The following ATP10B variants were observed in gnomAD, a reference collection of about 807,000 sequenced individuals.
The protein encoded by ATP10B is ATPase phospholipid transporting 10B (putative), also known as phospholipid-transporting ATPase VB.
ATP10B carries 122 observed loss-of-function variants against 141.2 expected under a neutral mutation model. The observed-to-expected ratio is 0.86, with a 90% CI of 0.75 to 1.00. ATP10B has a LOEUF of 1.00. Ranked by LOEUF, ATP10B falls within the 50% of genes least tolerant of loss-of-function variation. ATP10B has a pLI of 0.00. For synonymous variants in ATP10B, 685 were observed against 692.0 expected (o/e 0.99, Z 0.16); for missense variants, 1,876 against 1,825.3 (o/e 1.03, Z -0.51).
In ATP10B at chr5:160,757,979, A is replaced by G. The variant is rs192859279; in HGVS notation, c.-331+27580T>C. On this transcript the variant is annotated intron_variant, in intron 2 of 25. Transcript: ENST00000327245. ...TGTCTCCAGACATTGTCAAATGTCT[A>G]CTAGGGGTAAAATCACCCTGGTTGA... is the stretch of plus-strand genomic sequence containing the variant. Among the ~76,000 whole-genome samples the G allele has an allele frequency of 5.9e-5, 9 of 152,332 alleles. No homozygotes were observed. In the East Asian group the frequency reaches 1.7e-3, roughly 29 times the overall value.
chr5:160,894,045 C>T, the ATP10B span, among the ~76,000 whole-genome samples: 137 of 152,134 alleles, frequency 9.0e-4, no homozygotes, highest in Non-Finnish European at 1.8e-3. Context: ...TGAAGGTCAC[C>T]AACATCAAAG....
the ATP10B span, among the ~76,000 whole-genome samples, chr5:160,910,473 G>A: frequency 1.7e-4 from 26 of 152,236 alleles, no homozygotes; most frequent in Non-Finnish European, 2.6e-4. Flanking sequence ...AGTCTGGCCC[G>A]TAGTATGTGC....
intron 2 of ATP10B, among the ~76,000 whole-genome samples, chr5:160,725,244 A>G (rs1333300640): frequency 6.6e-6 from 1 of 152,242 alleles, no homozygotes; most frequent in African/African-American, 2.4e-5. Flanking sequence ...AGTCATAAAA[A>G]TAACCTGAAC....
intron 1 of ATP10B, among the ~76,000 whole-genome samples, chr5:160,813,746 C>A (rs1379218718): frequency 6.6e-6 from 1 of 152,226 alleles, no homozygotes; most frequent in Non-Finnish European, 1.5e-5. Flanking sequence ...TAGGGGCAGA[C>A]TGACACCTCA....
the ATP10B span, among the ~76,000 whole-genome samples, chr5:160,907,957 A>G: frequency 0.61 from 92,101 of 151,984 alleles, 28,816 homozygotes; most frequent in African/African-American, 0.75. Context: ...AGTGATCTTG[A>G]AGAGCTTGGA....
intron 24 of ATP10B, among the ~76,000 whole-genome samples, chr5:160,580,905 G>T (rs1358075688): frequency 6.6e-6 from 1 of 152,122 alleles, no homozygotes; most frequent in African/African-American, 2.4e-5. Context: ...ATGTGTCCAG[G>T]AATTTATCCA....
At chr5:160,676,770 C>A (rs1343455356) in intron 6 of ATP10B, among the ~76,000 whole-genome samples, 2 of 152,212 alleles carry the variant, frequency 1.3e-5, no homozygotes, top group African/African-American at 4.8e-5. Flanking sequence ...CATGTATTGA[C>A]TACCTATAAT....
the ATP10B span, among the ~76,000 whole-genome samples, chr5:160,910,433 T>C: frequency 6.6e-6 from 1 of 152,202 alleles, no homozygotes; most frequent in Non-Finnish European, 1.5e-5. Flanking sequence ...TCAATTTCGT[T>C]TAACGCTCCA....
chr5:160,675,878 A>AGGGGGGGGGGGGGGGGGGG (rs201534360), intron 6 of ATP10B, among the ~76,000 whole-genome samples: 1 of 41,224 alleles, frequency 2.4e-5, no homozygotes, highest in Admixed American at 2.6e-4. Flanking sequence ...GGGGTGGGGG[A>AGGGGGGGGGGGGGGGGGGG]GGGGGGGCGA....
intron 24 of ATP10B, among the ~76,000 whole-genome samples, chr5:160,580,587 A>C (rs1274386403): frequency 6.6e-6 from 1 of 152,302 alleles, no homozygotes; most frequent in South Asian, 2.1e-4. Context: ...GGATTTTTGC[A>C]TCAATGTTTA....
intron 13 of ATP10B, among the ~76,000 whole-genome samples, chr5:160,622,903 T>C (rs1758429683): frequency 6.6e-6 from 1 of 152,134 alleles, no homozygotes; most frequent in Admixed American, 6.5e-5. Flanking sequence ...ACTAATACTG[T>C]TGCCTCTCAC....
At chr5:160,790,944 G>C (rs192621974) in intron 1 of ATP10B, among the ~76,000 whole-genome samples, 1 of 152,166 alleles carries the variant, frequency 6.6e-6, no homozygotes, top group Admixed American at 6.5e-5. Flanking sequence ...AAAGAAGCAG[G>C]AGGAGAGATC....
the ATP10B span, among the ~76,000 whole-genome samples, chr5:160,878,965 G>A: frequency 2.9e-5 from 4 of 137,732 alleles, no homozygotes; most frequent in African/African-American, 5.5e-5. Context: ...AACCATTGTG[G>A]AAGTCAGTGT....
chr5:160,665,066 A>T (rs1762244622), intron 7 of ATP10B, among the ~76,000 whole-genome samples: 1 of 152,040 alleles, frequency 6.6e-6, no homozygotes, highest in South Asian at 2.1e-4. Flanking sequence ...TCTTTTTTTA[A>T]CAATGGGAAG....
chr5:160,758,345 A>G (rs1421114106), intron 2 of ATP10B, among the ~76,000 whole-genome samples: 6 of 152,176 alleles, frequency 3.9e-5, no homozygotes, highest in Admixed American at 1.3e-4. Context: ...GGTAACACAC[A>G]TACAGCCCTC....
upstream of ATP10B, among the ~76,000 whole-genome samples, chr5:160,855,948 T>A (rs553808258): frequency 6.6e-5 from 10 of 152,028 alleles, no homozygotes; most frequent in African/African-American, 2.4e-4. Flanking sequence ...CTCCATTGTT[T>A]ATACCCCTGC....
rs954467151 is a variant in ATP10B at position 160,788,409 on chromosome 5, C to T, written c.-575-2606G>A. Among the ~76,000 whole-genome samples the T allele has an allele frequency of 3.9e-5, 6 of 152,172 alleles. 1 individual carries two copies. The highest frequency in any genetic ancestry group is 1.4e-4 in the African/African-American group (6 of 41,440). On this transcript the variant is annotated intron_variant, in intron 1 of 25. Transcript: ENST00000327245. The stretch of plus-strand genomic sequence containing the variant: ...TCCGTTGGGGTTGCTAGCTGAGTCT[C>T]TAAGTAATTTGCAATTCAAGTGTCT...
At chr5:160,575,214 A>T (rs1245265393) in intron 24 of ATP10B, among the ~76,000 whole-genome samples, 1 of 152,016 alleles carries the variant, frequency 6.6e-6, no homozygotes, top group Non-Finnish European at 1.5e-5. Flanking sequence ...CATAGCTAAA[A>T]TTTTTTTACA....
chr5:160,763,318 A>T (rs138006718), intron 2 of ATP10B, among the ~76,000 whole-genome samples: 3 of 152,304 alleles, frequency 2.0e-5, no homozygotes, highest in African/African-American at 7.2e-5. Flanking sequence ...AGGCCACAAA[A>T]CAAGTCTCAA....
Sources: gnomAD v4.1 joint callset for allele counts (sites outside exome capture counted in the v4.1 genomes callset) on GRCh38, gnomAD v4.1.1 for gene constraint, MANE v1.5 for transcripts, NCBI Gene and HGNC (gene_info 2026-07-23, HGNC 2026-07-21) for gene names.